The following SLC35D4 variants were observed in gnomAD, a reference collection of about 807,000 sequenced individuals.
SLC35D4 encodes the protein UDP-N-acetylglucosamine transporter SLC35D4.
chr18:23,285,124 CTCT>C, the SLC35D4 span, among the ~76,000 whole-genome samples: 1 of 152,214 alleles, frequency 6.6e-6, no homozygotes, highest in Non-Finnish European at 1.5e-5. Context: ...GAGCCCTGAC[CTCT>C]TATCTCTGTG....
chr18:23,281,657 G>A, the SLC35D4 span, among the ~76,000 whole-genome samples: 1 of 152,128 alleles, frequency 6.6e-6, no homozygotes, highest in Non-Finnish European at 1.5e-5. Flanking sequence ...ATCTCTGTGT[G>A]TCTAAGAAGA....
the SLC35D4 span, among the ~76,000 whole-genome samples, chr18:23,363,484 C>T: frequency 1.4e-5 from 2 of 146,430 alleles, no homozygotes; most frequent in Non-Finnish European, 3.0e-5. Flanking sequence ...ACGCCATTCT[C>T]CTGCGTCAGC....
the SLC35D4 span, among the ~76,000 whole-genome samples, chr18:23,286,354 G>A: frequency 3.2e-4 from 49 of 152,264 alleles, no homozygotes; most frequent in African/African-American, 4.8e-4. Flanking sequence ...AGGAATGCCC[G>A]CAGCCCAGGA....
chr18:23,312,891 G>A, the SLC35D4 span, among the ~76,000 whole-genome samples: 2 of 152,168 alleles, frequency 1.3e-5, no homozygotes, highest in African/African-American at 4.8e-5. Context: ...ACTTTGGGAG[G>A]CCAAGACGGG....
the SLC35D4 span, among the ~76,000 whole-genome samples, chr18:23,428,023 T>A: frequency 6.6e-6 from 1 of 151,440 alleles, no homozygotes; most frequent in Non-Finnish European, 1.5e-5. Flanking sequence ...CTGCCATGGG[T>A]TGGGGGGAGA....
the SLC35D4 span, among the ~76,000 whole-genome samples, chr18:23,310,803 T>C: frequency 1.3e-5 from 2 of 152,146 alleles, no homozygotes; most frequent in Non-Finnish European, 1.5e-5. Flanking sequence ...AGAATTCTCA[T>C]GATAGGATAT....
chr18:23,362,027 T>C, the SLC35D4 span, among the ~76,000 whole-genome samples: 16 of 152,208 alleles, frequency 1.1e-4, no homozygotes, highest in Non-Finnish European at 1.9e-4. Context: ...TATTTCAAAT[T>C]ACTCCTCTGC....
the SLC35D4 span, among the ~76,000 whole-genome samples, chr18:23,308,016 G>T: frequency 1.9e-4 from 29 of 152,230 alleles, no homozygotes; most frequent in Non-Finnish European, 2.1e-4. Flanking sequence ...CACTGCTTCT[G>T]GGAGGGAGGC....
the SLC35D4 span, among the ~76,000 whole-genome samples, chr18:23,270,804 CT>C: frequency 6.6e-6 from 1 of 152,344 alleles, no homozygotes; most frequent in East Asian, 1.9e-4. Context: ...CAAATTGGTT[CT>C]GTCTAGGCAG....
the SLC35D4 span, among the ~76,000 whole-genome samples, chr18:23,322,988 T>C: frequency 6.6e-6 from 1 of 152,238 alleles, no homozygotes; most frequent in African/African-American, 2.4e-5. Context: ...TTGTGCCAGT[T>C]ATTTTTTAAA....
chr18:23,389,609 G>A, the SLC35D4 span, among the ~76,000 whole-genome samples: 2 of 151,926 alleles, frequency 1.3e-5, 1 homozygote, highest in South Asian at 4.2e-4. Flanking sequence ...GCAGTGGCAC[G>A]ATCTTGGCAA....
the SLC35D4 span, among the ~76,000 whole-genome samples, chr18:23,403,512 G>T: frequency 6.6e-6 from 1 of 152,218 alleles, no homozygotes; most frequent in Non-Finnish European, 1.5e-5. Flanking sequence ...GTGGCAAGAA[G>T]AAATTGGAGG....
the SLC35D4 span, among the ~76,000 whole-genome samples, chr18:23,406,400 C>G: frequency 3.9e-5 from 6 of 152,112 alleles, no homozygotes; most frequent in Non-Finnish European, 8.8e-5. Flanking sequence ...AGAATGTGAC[C>G]TTCGTGGTGT....
At chr18:23,409,354 A>T in the SLC35D4 span, among the ~76,000 whole-genome samples, 1 of 152,224 alleles carries the variant, frequency 6.6e-6, no homozygotes, top group East Asian at 1.9e-4. Context: ...AACCTGCTTC[A>T]CTTCACATCT....
chr18:23,256,635 C>G, the SLC35D4 span, among the ~76,000 whole-genome samples: 1 of 152,062 alleles, frequency 6.6e-6, no homozygotes, highest in East Asian at 1.9e-4. Context: ...CGCCCACCGC[C>G]ACGCCCGGCT....
the SLC35D4 span, among the ~76,000 whole-genome samples, chr18:23,354,864 C>T: frequency 1.3e-5 from 2 of 151,848 alleles, no homozygotes; most frequent in Non-Finnish European, 2.9e-5. Context: ...CTCATTTTTA[C>T]ATTACTCATG....
the SLC35D4 span, among the ~76,000 whole-genome samples, chr18:23,412,829 G>T: frequency 6.6e-6 from 1 of 152,182 alleles, no homozygotes; most frequent in Admixed American, 6.5e-5. Context: ...TAACAGCAGA[G>T]CTGAGTAGCT....
At chr18:23,428,777 T>A in the SLC35D4 span, among the ~76,000 whole-genome samples, 1 of 152,136 alleles carries the variant, frequency 6.6e-6, no homozygotes, top group Non-Finnish European at 1.5e-5. Flanking sequence ...CTATTGATCC[T>A]GTCACCCAAA....
chr18:23,253,781 C>T, the SLC35D4 span: 1 of 1,614,176 alleles, frequency 6.2e-7, no homozygotes, highest in Non-Finnish European at 8.5e-7. Context: ...CCTTGAGGAG[C>T]CCACGGTGGC....
Sources: gnomAD v4.1 joint callset for allele counts (sites outside exome capture counted in the v4.1 genomes callset) on GRCh38, gnomAD v4.1.1 for gene constraint, MANE v1.5 for transcripts, NCBI Gene and HGNC (gene_info 2026-07-23, HGNC 2026-07-21) for gene names.